ADAMTSL1: variants seen among roughly 807,000 people sequenced by gnomAD.
ADAMTSL1 encodes ADAMTS like 1.
A neutral mutation model predicts 201.8 loss-of-function variants in ADAMTSL1; 126 were observed. That is an observed-to-expected ratio of 0.62 (90% confidence interval 0.54 to 0.72). The LOEUF is 0.72. Among genes scored for constraint, ADAMTSL1 ranks in the 30% least tolerant of loss-of-function variants. The pLI, the probability that ADAMTSL1 is intolerant of heterozygous loss-of-function variation, is 0.00. For synonymous variants in ADAMTSL1, 1,121 were observed against 903.4 expected, an observed-to-expected ratio of 1.24 and a Z score of -4.32; for missense variants, 2,679 against 2,277.8, an observed-to-expected ratio of 1.18 and a Z score of -3.59.
chr9:18,152,342 A>G (rs2132048538), intron 1 of ADAMTSL1, among the ~76,000 whole-genome samples: 1 of 152,172 alleles, frequency 6.6e-6, no homozygotes, highest in South Asian at 2.1e-4. Context: ...CATTCCAGGC[A>G]CAGGGCACTG....
chr9:18,042,856 A>G (rs1821487531), intron 1 of ADAMTSL1, among the ~76,000 whole-genome samples: 1 of 152,154 alleles, frequency 6.6e-6, no homozygotes, highest in Non-Finnish European at 1.5e-5. Context: ...TTGTGAGATG[A>G]CATCCTCCCA....
intron 2 of ADAMTSL1, among the ~76,000 whole-genome samples, chr9:18,396,668 T>C (rs2133245259): frequency 6.6e-6 from 1 of 151,858 alleles, no homozygotes; most frequent in South Asian, 2.1e-4. Context: ...CTTTATCAGC[T>C]TAAAAACTGG....
chr9:18,742,928 A>C (rs1818927411), intron 15 of ADAMTSL1, among the ~76,000 whole-genome samples: 1 of 151,820 alleles, frequency 6.6e-6, no homozygotes, highest in African/African-American at 2.4e-5. Context: ...CACCACAAGG[A>C]GAACAACCCT....
intron 1 of ADAMTSL1, among the ~76,000 whole-genome samples, chr9:18,046,122 T>C (rs1280663314): frequency 6.6e-6 from 1 of 152,182 alleles, no homozygotes; most frequent in Non-Finnish European, 1.5e-5. Context: ...TTTAAGGGAA[T>C]GGCAAGTTGA....
At chr9:18,438,215 G>A (rs76139103) in intron 2 of ADAMTSL1, among the ~76,000 whole-genome samples, 4,549 of 143,096 alleles carry the variant, frequency 0.032, 88 homozygotes, top group Non-Finnish European at 0.044. Context: ...AGAAAGGAGG[G>A]GGAGAGATGG....
At chr9:18,753,166 A>G (rs1257212600) in intron 15 of ADAMTSL1, 132 bp from the exon 16 acceptor site, 1 of 805,252 alleles carries the variant, frequency 1.2e-6, no homozygotes, top group Non-Finnish European at 2.1e-6. Context: ...CTTAAGATAG[A>G]GCTGCCAGCC....
intron 4 of ADAMTSL1, among the ~76,000 whole-genome samples, chr9:18,615,758 T>A (rs1825663970): frequency 6.6e-6 from 1 of 152,144 alleles, no homozygotes; most frequent in African/African-American, 2.4e-5. Flanking sequence ...AAATGGTAAA[T>A]GGGTTTAGTT....
chr9:18,125,205 C>G (rs151033524), intron 1 of ADAMTSL1, among the ~76,000 whole-genome samples: 2 of 152,116 alleles, frequency 1.3e-5, no homozygotes, highest in Admixed American at 1.3e-4. Flanking sequence ...AGCAAGTCGC[C>G]TCTTACACGG....
chr9:18,033,053 C>A (rs898476451), intron 1 of ADAMTSL1, among the ~76,000 whole-genome samples: 9 of 152,140 alleles, frequency 5.9e-5, no homozygotes, highest in African/African-American at 1.9e-4. Flanking sequence ...CCTAGTTAGC[C>A]ATCTTGTCCC....
At chr9:17,944,519 C>G (rs893426892) in intron 1 of ADAMTSL1, among the ~76,000 whole-genome samples, 5 of 151,496 alleles carry the variant, frequency 3.3e-5, no homozygotes, top group Admixed American at 2.0e-4. Context: ...CAATCCTAAG[C>G]CAAAAGAACA....
chr9:18,813,414 C>T (rs1368927939), intron 20 of ADAMTSL1, among the ~76,000 whole-genome samples: 1 of 152,194 alleles, frequency 6.6e-6, no homozygotes, highest in Non-Finnish European at 1.5e-5. Context: ...TTGCTTTGTA[C>T]AGTATGGACA....
chr9:18,317,878 C>T (rs1289193956), intron 2 of ADAMTSL1, among the ~76,000 whole-genome samples: 1 of 152,168 alleles, frequency 6.6e-6, no homozygotes, highest in Non-Finnish European at 1.5e-5. Context: ...CTAATCCCAG[C>T]GCCTAGAGAA....
At chr9:18,083,026 G>A (rs1823578162) in intron 1 of ADAMTSL1, among the ~76,000 whole-genome samples, 1 of 152,176 alleles carries the variant, frequency 6.6e-6, no homozygotes, top group African/African-American at 2.4e-5. Flanking sequence ...ATTAGATAAG[G>A]ATTGAATAAG....
intron 1 of ADAMTSL1, among the ~76,000 whole-genome samples, chr9:18,044,039 A>T (rs1205109557): frequency 1.3e-5 from 2 of 149,084 alleles, no homozygotes; most frequent in African/African-American, 5.0e-5. Flanking sequence ...CACCCTTGGG[A>T]ACCATTGTTA....
At chr9:18,742,197 C>G (rs1818871144) in intron 15 of ADAMTSL1, among the ~76,000 whole-genome samples, 1 of 152,122 alleles carries the variant, frequency 6.6e-6, no homozygotes, top group African/African-American at 2.4e-5. Context: ...TTCTGAGGTA[C>G]TAGGAATTAA....
intron 2 of ADAMTSL1, among the ~76,000 whole-genome samples, chr9:18,322,206 A>G (rs1404330823): frequency 6.6e-6 from 1 of 152,230 alleles, no homozygotes; most frequent in Non-Finnish European, 1.5e-5. Flanking sequence ...AGATTTTAAA[A>G]GAGGAAGAAT....
chr9:18,836,752 T>C (rs965810194), intron 23 of ADAMTSL1, among the ~76,000 whole-genome samples: 1 of 152,240 alleles, frequency 6.6e-6, no homozygotes, highest in African/African-American at 2.4e-5. Flanking sequence ...TTTCCATTTA[T>C]GGATGTCATC....
At chr9:18,122,139 T>C (rs969153305) in intron 1 of ADAMTSL1, among the ~76,000 whole-genome samples, 6 of 152,188 alleles carry the variant, frequency 3.9e-5, no homozygotes, top group African/African-American at 1.4e-4. Context: ...CATTTAAACA[T>C]GGAGTTTAGT....
chr9:18,187,536 G>GA (rs1563795543), intron 2 of ADAMTSL1, among the ~76,000 whole-genome samples: 1 of 151,798 alleles, frequency 6.6e-6, no homozygotes, highest in African/African-American at 2.4e-5. Flanking sequence ...TAAAAAGAAA[G>GA]AAAAAAATTT....
Sources: gnomAD v4.1 joint callset for allele counts (sites outside exome capture counted in the v4.1 genomes callset) on GRCh38, gnomAD v4.1.1 for gene constraint, MANE v1.5 for transcripts, NCBI Gene and HGNC (gene_info 2026-07-23, HGNC 2026-07-21) for gene names.